Variants in ZFR observed in about 807,000 individuals in gnomAD.
ZFR encodes zinc finger RNA-binding protein.
A neutral mutation model predicts 130.7 loss-of-function variants in ZFR; 19 were observed. The observed-to-expected ratio is 0.15, with a 90% CI of 0.10 to 0.21. The LOEUF (loss-of-function observed/expected upper bound fraction) is 0.21, where lower values mean the gene tolerates loss of function less well. Among genes scored for constraint, ZFR ranks in the 10% least tolerant of loss-of-function variants. The probability of loss-of-function intolerance (pLI) is 1.00; values close to 1 mark genes in which losing one functional copy is unlikely to be tolerated. For missense variants in ZFR, 872 were observed against 1,321.5 expected (o/e 0.66, Z 5.27); for synonymous variants, 466 against 456.9 (o/e 1.02, Z -0.25).
intron 2 of ZFR, among the ~76,000 whole-genome samples, chr5:32,422,056 C>G (rs1430777543): frequency 6.6e-6 from 1 of 151,906 alleles, no homozygotes; most frequent in Non-Finnish European, 1.5e-5. Context: ...CCAGACTAAA[C>G]CACCTAAGAG....
chr5:32,362,646 T>C (rs977426285), intron 19 of ZFR, among the ~76,000 whole-genome samples: 2 of 152,222 alleles, frequency 1.3e-5, no homozygotes, highest in Non-Finnish European at 2.9e-5. Context: ...CCATTCCTTC[T>C]TCCTATCCTT....
chr5:32,440,155 A>T (rs1754436495), intron 2 of ZFR, among the ~76,000 whole-genome samples: 1 of 152,134 alleles, frequency 6.6e-6, no homozygotes, highest in African/African-American at 2.4e-5. Flanking sequence ...CATTTCCTCA[A>T]ACAAAAAAGG....
At chr5:32,397,476 CAG>C (rs1753341000) in intron 9 of ZFR, 138 bp from the exon 10 acceptor site, 6 of 1,107,764 alleles carry the variant, frequency 5.4e-6, no homozygotes, top group East Asian at 5.2e-5. Flanking sequence ...TTCCCCAGGA[CAG>C]AGTCTTGCTC....
At chr5:32,405,629 G>C (rs1581700574) in intron 6 of ZFR, among the ~76,000 whole-genome samples, 1 of 152,246 alleles carries the variant, frequency 6.6e-6, no homozygotes, top group East Asian at 1.9e-4. Flanking sequence ...TAACCCCTCT[G>C]AACAGTCAAC....
intron 11 of ZFR, among the ~76,000 whole-genome samples, chr5:32,390,981 T>A (rs541914253): frequency 6.6e-6 from 1 of 152,200 alleles, no homozygotes; most frequent in Non-Finnish European, 1.5e-5. Flanking sequence ...TCAGCTCCTA[T>A]TAATTGTTGC....
chr5:32,419,755 T>C (rs1349903372), intron 3 of ZFR, 66 bp downstream of exon 3: 2 of 1,508,546 alleles, frequency 1.3e-6, no homozygotes, highest in Non-Finnish European at 1.8e-6. Context: ...GGCTAGGGCA[T>C]TACATTATAC....
intron 2 of ZFR, among the ~76,000 whole-genome samples, chr5:32,442,984 T>TGA (rs141464556): frequency 1 from 151,966 of 152,124 alleles, 75,906 homozygotes; most frequent in Middle Eastern, 1. Flanking sequence ...GGCAGGACTC[T>TGA]GCCCAGGAGT....
At chr5:32,426,098 GT>G (rs1244737771) in intron 2 of ZFR, among the ~76,000 whole-genome samples, 3 of 152,116 alleles carry the variant, frequency 2.0e-5, no homozygotes, top group African/African-American at 7.2e-5. Context: ...GTAAAATAAG[GT>G]TTATAATTAA....
intron 3 of ZFR, among the ~76,000 whole-genome samples, chr5:32,419,087 T>C (rs1468829089): frequency 6.6e-6 from 1 of 152,214 alleles, no homozygotes. Context: ...ATGTAATATG[T>C]TTGTCCTGCT....
At chr5:32,372,948 T>A (rs574144125) in intron 17 of ZFR, among the ~76,000 whole-genome samples, 79 of 152,304 alleles carry the variant, frequency 5.2e-4, no homozygotes, top group Non-Finnish European at 8.7e-4. Flanking sequence ...TAACCATAGT[T>A]AATAAAAATT....
intron 2 of ZFR, among the ~76,000 whole-genome samples, chr5:32,424,516 G>C (rs1490108896): frequency 1.4e-5 from 2 of 146,110 alleles, no homozygotes; most frequent in Non-Finnish European, 3.0e-5. Flanking sequence ...CTGGGTGAAA[G>C]AGCGAGACTC....
intron 2 of ZFR, among the ~76,000 whole-genome samples, 177 bp downstream of exon 2, chr5:32,444,052 G>T (rs1261718430): frequency 7.6e-6 from 1 of 131,268 alleles, no homozygotes; most frequent in Non-Finnish European, 1.7e-5. Flanking sequence ...GGGCCGGGCC[G>T]GGCAAGGCGG....
At chr5:32,407,895 C>T (rs1162107333) in intron 5 of ZFR, among the ~76,000 whole-genome samples, 3 of 152,078 alleles carry the variant, frequency 2.0e-5, no homozygotes, top group Non-Finnish European at 4.4e-5. Flanking sequence ...GGTTTCGCCA[C>T]GTTGCCTAGG....
In ZFR at chr5:32,355,542, T is replaced by C. The variant is rs1326024489; in HGVS notation, c.*218A>G. 2.8e-6 allele frequency: 1 copy of C among 359,796 alleles called. No homozygotes were observed. Among genetic ancestry groups the C allele is most frequent in the Non-Finnish European group, 4.9e-6 (1 of 204,930 alleles). 22.3% of individuals were successfully genotyped at this position (359,796 alleles called of 1,614,324 possible). A position where few individuals can be genotyped will look rare whatever the true frequency, so the allele number is the denominator to read the frequency against. ...AATAATGGGAAAAAATCGGAACTAC[T>C]GTTTTCCCCCTAGTCGGAGCACATT... is the stretch of plus-strand genomic sequence containing the variant. On this transcript the variant is annotated 3_prime_UTR_variant, in exon 20 of 20. Coordinates refer to ENST00000265069, the MANE Select transcript of ZFR (RefSeq NM_016107.5).
At chr5:32,397,029 T>C (rs1449466393) in intron 10 of ZFR, among the ~76,000 whole-genome samples, 190 bp downstream of exon 10, 1 of 152,258 alleles carries the variant, frequency 6.6e-6, no homozygotes, top group African/African-American at 2.4e-5. Flanking sequence ...TATTCTTCTT[T>C]ATTTTAAAAA....
At chr5:32,408,329 A>C (rs34285408) in intron 5 of ZFR, among the ~76,000 whole-genome samples, 1,434 of 70,816 alleles carry the variant, frequency 0.02, 23 homozygotes, top group South Asian at 0.11. Flanking sequence ...AAAAAAAAAA[A>C]AAAAAAAACT....
chr5:32,404,050 A>G lies in ZFR; in HGVS notation c.1080T>C (p.Ala360=), dbSNP rs768747138. 1 of 1,611,692 alleles carries G rather than the reference A, an allele frequency of 6.2e-7. No homozygotes were observed. Among genetic ancestry groups the G allele is most frequent in the Admixed American group, 1.7e-5 (1 of 59,460 alleles). The change falls in exon 7 of 20, where the codon GCT becomes GCC. Residue 360 remains alanine, a synonymous_variant. Coordinates refer to ENST00000265069, the MANE Select transcript of ZFR (RefSeq NM_016107.5). ...LEGQKHKKKE[A]ALKASQNTSS... ...TGGTATTTTGTGAGGCTTTCAATGC[A>G]GCTTCTTTTTTTTTATGTTTCTGTC...
At chr5:32,355,988 A>G in intron 19 of ZFR, 49 bp from the exon 20 acceptor site, 1 of 1,478,096 alleles carries the variant, frequency 6.8e-7, no homozygotes, top group South Asian at 1.4e-5. Flanking sequence ...AACCCCAAGT[A>G]GTAATACTTA....
chr5:32,357,879 G>A (rs2111643366), intron 19 of ZFR, among the ~76,000 whole-genome samples: 1 of 152,268 alleles, frequency 6.6e-6, no homozygotes, highest in Middle Eastern at 3.4e-3. Context: ...TGAAGCATCA[G>A]GTCTGTCATA....
Sources: gnomAD v4.1 joint callset for allele counts (sites outside exome capture counted in the v4.1 genomes callset) on GRCh38, gnomAD v4.1.1 for gene constraint, MANE v1.5 for transcripts, NCBI Gene and HGNC (gene_info 2026-07-23, HGNC 2026-07-21) for gene names.